PTPRN2: variants seen among roughly 807,000 people sequenced by gnomAD.
PTPRN2 encodes the protein receptor-type tyrosine-protein phosphatase N2.
In PTPRN2, 74 loss-of-function variants were observed where a neutral mutation model predicts 118.8. The observed-to-expected ratio is 0.62, with a 90% CI of 0.52 to 0.76. PTPRN2 has a LOEUF of 0.76. Ranked by LOEUF, PTPRN2 falls within the 30% of genes least tolerant of loss-of-function variation. The pLI is 0.00. For synonymous variants in PTPRN2, 641 were observed against 608.0 expected, an observed-to-expected ratio of 1.05 and a Z score of -0.80; for missense variants, 1,481 against 1,394.4, an observed-to-expected ratio of 1.06 and a Z score of -0.99.
chr7:157,925,449 G>A (rs538767700), intron 11 of PTPRN2, among the ~76,000 whole-genome samples: 7 of 152,230 alleles, frequency 4.6e-5, no homozygotes, highest in Non-Finnish European at 7.3e-5. Flanking sequence ...CATTTGCTAC[G>A]TCCAAATCAC....
At chr7:158,413,385 G>A (rs977159422) in intron 2 of PTPRN2, among the ~76,000 whole-genome samples, 13 of 152,304 alleles carry the variant, frequency 8.5e-5, no homozygotes, top group Admixed American at 3.3e-4. Flanking sequence ...ATCTGAACCC[G>A]AATGCACACA....
chr7:157,629,028 C>T lies in PTPRN2; in HGVS notation c.2197-7519G>A, dbSNP rs1803775623. 1.3e-5 allele frequency among the ~76,000 whole-genome samples: 2 copies of T among 152,148 alleles called. No homozygotes were observed. Among genetic ancestry groups the T allele is most frequent in the African/African-American group, 4.8e-5 (2 of 41,444 alleles). Reference sequence around the variant, plus strand: ...CCGGTGGGAAGAGCACACCAGCATCCCGTGTGCATCTGATGCAGGACCCGC... The same window carrying T: ...CCGGTGGGAAGAGCACACCAGCATCTCGTGTGCATCTGATGCAGGACCCGC... On this transcript the variant is annotated intron_variant, in intron 14 of 22. Transcript: ENST00000389418. This position sits in a 1 kb window ranked among gnomAD's most constrained non-coding sequence, Gnocchi z 4.4.
At chr7:157,971,845 T>C (rs1222409219) in intron 11 of PTPRN2, among the ~76,000 whole-genome samples, 2 of 152,190 alleles carry the variant, frequency 1.3e-5, no homozygotes, top group Non-Finnish European at 2.9e-5. Context: ...AGAAACCTTC[T>C]TCTGTACCTT....
chr7:158,312,221 CAG>C (rs1344046980), intron 3 of PTPRN2, among the ~76,000 whole-genome samples: 1 of 31,760 alleles, frequency 3.1e-5, no homozygotes, highest in Non-Finnish European at 9.3e-5. Context: ...CACGTGCTCA[CAG>C]ACACCCACAC....
At chr7:157,697,023 C>T (rs564265260) in intron 12 of PTPRN2, among the ~76,000 whole-genome samples, 1 of 80,090 alleles carries the variant, frequency 1.2e-5, no homozygotes, top group East Asian at 5.4e-4. Context: ...CCCATGCATA[C>T]TGGTTCTTGG....
chr7:158,560,488 G>A (rs1417830923), intron 1 of PTPRN2, among the ~76,000 whole-genome samples: 2 of 152,278 alleles, frequency 1.3e-5, no homozygotes, highest in Admixed American at 1.3e-4. Flanking sequence ...AGGTGAAAGT[G>A]GAACTGATAT....
rs1289132614 is a variant in PTPRN2, at chr7:158,270,920, A to G, written c.277+45899T>C. ...CACCTGGACCACCCCCCCCACCTGG[A>G]CCACCCCCCCCACCTGGACCACCCC... On this transcript the variant is annotated intron_variant, in intron 3 of 22. Transcript: ENST00000389418. 4.3e-3 allele frequency among the ~76,000 whole-genome samples: 55 copies of G among 12,840 alleles called. 4 individuals carry two copies. The highest frequency in any genetic ancestry group is 0.033 in the South Asian group (8 of 240). The allele number at this position is 12,840 out of a possible 152,430, so 8.4% of individuals were successfully genotyped here.
At chr7:158,150,420 G>A (rs1377933710) in intron 6 of PTPRN2, among the ~76,000 whole-genome samples, 4 of 152,264 alleles carry the variant, frequency 2.6e-5, no homozygotes, top group East Asian at 3.9e-4. Context: ...TCAGCAGCTC[G>A]AAAAGTGGCA....
chr7:158,145,032 A>G (rs976210999), intron 6 of PTPRN2, among the ~76,000 whole-genome samples: 11 of 148,328 alleles, frequency 7.4e-5, no homozygotes, highest in African/African-American at 2.8e-4. Flanking sequence ...AGAAGGTTCC[A>G]GAATACCACG....
At chr7:157,715,999 G>A (rs965989169) in intron 12 of PTPRN2, among the ~76,000 whole-genome samples, 1 of 152,212 alleles carries the variant, frequency 6.6e-6, no homozygotes, top group African/African-American at 2.4e-5. Flanking sequence ...CTAACCCCAT[G>A]TGAGACAGCC....
At chr7:158,410,098 C>T (rs545606515) in intron 2 of PTPRN2, among the ~76,000 whole-genome samples, 39 of 152,140 alleles carry the variant, frequency 2.6e-4, no homozygotes, top group South Asian at 2.1e-4. Context: ...GGAGTTCATC[C>T]GGGTGACCTC....
intron 11 of PTPRN2, among the ~76,000 whole-genome samples, chr7:158,070,739 TG>T (rs576678667): frequency 3.7e-5 from 4 of 107,762 alleles, no homozygotes; most frequent in South Asian, 3.4e-4. Flanking sequence ...GTGCCCGTGG[TG>T]GTGGAGGTGC....
chr7:158,145,120 C>A (rs1421779252), intron 6 of PTPRN2, among the ~76,000 whole-genome samples: 1 of 149,740 alleles, frequency 6.7e-6, no homozygotes, highest in South Asian at 2.1e-4. Context: ...CTCACATCAT[C>A]GCGAGAAGGT....
chr7:157,588,334 G>C (rs1032190129), intron 17 of PTPRN2, among the ~76,000 whole-genome samples: 1 of 152,248 alleles, frequency 6.6e-6, no homozygotes, highest in African/African-American at 2.4e-5. Context: ...AGAAGGTGGC[G>C]CAGCAGGTGC....
intron 2 of PTPRN2, among the ~76,000 whole-genome samples, chr7:158,344,800 C>T (rs1036918347): frequency 5.9e-5 from 9 of 152,158 alleles, no homozygotes; most frequent in Non-Finnish European, 1.0e-4. Flanking sequence ...AGGAGAGGGG[C>T]CCAGGGGACC....
At chr7:157,607,540 C>T (rs142360961) in intron 15 of PTPRN2, among the ~76,000 whole-genome samples, 2,267 of 152,356 alleles carry the variant, frequency 0.015, 25 homozygotes, top group Non-Finnish European at 0.023. Flanking sequence ...CTGGAGCCCT[C>T]AGGCTTTTGA....
intron 1 of PTPRN2, among the ~76,000 whole-genome samples, chr7:158,500,361 C>T (rs1474334952): frequency 6.6e-6 from 1 of 152,160 alleles, no homozygotes; most frequent in Non-Finnish European, 1.5e-5. Context: ...CGCTACATTT[C>T]CAGTGTGCTG....
intron 22 of PTPRN2, 37 bp from the exon 23 acceptor site, chr7:157,540,822 C>T (rs56673628): frequency 1.8e-4 from 277 of 1,501,310 alleles, no homozygotes; most frequent in Non-Finnish European, 2.2e-4. Context: ...CCAATGAGAG[C>T]GGCGTCCCCC....
chr7:157,611,574 T>C lies in PTPRN2; in HGVS notation c.2345-7499A>G, dbSNP rs1196256027. Among the ~76,000 whole-genome samples, 1 of 152,112 alleles carries C rather than the reference T, an allele frequency of 6.6e-6. No homozygotes were observed. The highest frequency in any genetic ancestry group is 1.5e-5 in the Non-Finnish European group (1 of 68,018). On this transcript the variant is annotated intron_variant, in intron 15 of 22. Transcript: ENST00000389418. The surrounding 1 kb of genome is among the most constrained non-coding windows in gnomAD (Gnocchi z 5.9). ...TCCCAGCCCTGGGAACATGACCTTA[T>C]TTGGAAATAGGGTCTTTACAGAGGT...
Sources: gnomAD v4.1 joint callset for allele counts (sites outside exome capture counted in the v4.1 genomes callset) on GRCh38, gnomAD v4.1.1 for gene constraint, Gnocchi (gnomAD v3.1) non-coding constraint, MANE v1.5 for transcripts, NCBI Gene and HGNC (gene_info 2026-07-23, HGNC 2026-07-21) for gene names.